The following OPCML variants were observed in gnomAD, a reference collection of about 807,000 sequenced individuals.
OPCML encodes opioid-binding protein/cell adhesion molecule.
Under a neutral mutation model 37.8 loss-of-function variants are expected in OPCML, and 13 were observed. The observed-to-expected ratio is 0.34, with a 90% confidence interval of 0.22 to 0.55. The LOEUF is 0.55. OPCML is among the 20% of genes least tolerant of loss of function. The pLI, the probability that OPCML is intolerant of heterozygous loss-of-function variation, is 0.91. For synonymous variants in OPCML, 176 were observed against 168.8 expected, an observed-to-expected ratio of 1.04 and a Z score of -0.33; for missense variants, 341 against 435.6, an observed-to-expected ratio of 0.78 and a Z score of 1.93.
intron 2 of OPCML, among the ~76,000 whole-genome samples, chr11:132,883,749 CT>C (rs1943307009): frequency 6.6e-6 from 1 of 152,068 alleles, no homozygotes; most frequent in South Asian, 2.1e-4. Flanking sequence ...CTCATCAATC[CT>C]TATAAAAACC....
At chr11:132,553,214 G>A (rs2096386469) in intron 3 of OPCML, among the ~76,000 whole-genome samples, 1 of 152,152 alleles carries the variant, frequency 6.6e-6, no homozygotes, top group Non-Finnish European at 1.5e-5. Flanking sequence ...ACCACTCAAG[G>A]GCACTTTTTA....
chr11:132,894,655 C>T (rs1201922086), intron 2 of OPCML, among the ~76,000 whole-genome samples: 1 of 152,220 alleles, frequency 6.6e-6, no homozygotes. Context: ...GATCCACCCT[C>T]AGTGTGCTTG....
chr11:133,448,461 TG>T (rs1282574492), intron 1 of OPCML, among the ~76,000 whole-genome samples: 1 of 152,092 alleles, frequency 6.6e-6, no homozygotes, highest in African/African-American at 2.4e-5. Flanking sequence ...TAGTGTTTTT[TG>T]TTTTTTTGTT....
At position 132,694,179 on chromosome 11, in the gene OPCML, C is replaced by CTTTTT. The variant is rs1162305568; in HGVS notation, c.147-36865_147-36861dup. ...GAGTTTCGTTCTGTGAAATCAATGT[C>CTTTTT]TTTTTTTTTTTTTTTTTTTTTTTTT... On this transcript the variant is annotated intron_variant, in intron 2 of 7. Transcript: ENST00000524381. Among the ~76,000 whole-genome samples, 12 of 43,016 alleles carry CTTTTT rather than the reference C, an allele frequency of 2.8e-4. 2 individuals carry two copies. The highest frequency in any genetic ancestry group is 4.0e-4 in the Admixed American group (1 of 2,516). 28.2% of individuals were successfully genotyped at this position (43,016 alleles called of 152,430 possible).
intron 1 of OPCML, among the ~76,000 whole-genome samples, chr11:133,349,794 T>C (rs952857905): frequency 2.5e-4 from 38 of 151,956 alleles, no homozygotes; most frequent in South Asian, 2.3e-3. Flanking sequence ...TGCTAAACCA[T>C]CAGAAAAAAA....
intron 1 of OPCML, among the ~76,000 whole-genome samples, chr11:133,126,082 C>T (rs1387887951): frequency 1.3e-5 from 2 of 151,092 alleles, no homozygotes; most frequent in Non-Finnish European, 2.9e-5. Flanking sequence ...CACACACACA[C>T]ACACACACAC....
At chr11:133,415,736 TC>T (rs1384788594) in intron 1 of OPCML, among the ~76,000 whole-genome samples, 1 of 152,132 alleles carries the variant, frequency 6.6e-6, no homozygotes, top group Non-Finnish European at 1.5e-5. Flanking sequence ...ATTTAGGTAG[TC>T]CCAATGTAAT....
At chr11:133,512,089 T>C (rs1389276607) in intron 1 of OPCML, among the ~76,000 whole-genome samples, 1 of 152,166 alleles carries the variant, frequency 6.6e-6, no homozygotes, top group African/African-American at 2.4e-5. Flanking sequence ...TCCAAGAGCA[T>C]CAGATCCTGC....
At chr11:133,281,001 T>C (rs2136508087) in intron 1 of OPCML, among the ~76,000 whole-genome samples, 1 of 152,296 alleles carries the variant, frequency 6.6e-6, no homozygotes, top group Non-Finnish European at 1.5e-5. Context: ...CCCAACCTGG[T>C]AGCTCAAGAG....
At chr11:133,465,533 A>G (rs1946956065) in intron 1 of OPCML, among the ~76,000 whole-genome samples, 1 of 152,190 alleles carries the variant, frequency 6.6e-6, no homozygotes, top group East Asian at 1.9e-4. Context: ...CTGTGCTAGA[A>G]TCTGGGGTTA....
rs117873535 is a variant in OPCML, at chr11:132,767,023, A to C, written c.147-109704T>G. ...ATTCACACAGATATGTACATTATCT[A>C]TGTTTATCTATCTATCTATCTACCC... On this transcript the variant is annotated intron_variant, in intron 2 of 7. Transcript: ENST00000524381. 3.7e-3 allele frequency among the ~76,000 whole-genome samples: 566 copies of C among 152,290 alleles called. 2 individuals carry two copies. Among genetic ancestry groups the C allele is most frequent in the Non-Finnish European group, 6.2e-3 (422 of 68,024 alleles).
At chr11:132,629,860 G>C (rs541702861) in intron 3 of OPCML, among the ~76,000 whole-genome samples, 13 of 152,196 alleles carry the variant, frequency 8.5e-5, no homozygotes, top group African/African-American at 3.1e-4. Flanking sequence ...GAAAATAAAA[G>C]GCACTAATAA....
At chr11:132,913,288 T>A (rs1944488359) in intron 2 of OPCML, among the ~76,000 whole-genome samples, 1 of 152,186 alleles carries the variant, frequency 6.6e-6, no homozygotes, top group African/African-American at 2.4e-5. Context: ...AAAACACTTC[T>A]AAGAGCGGAT....
intron 1 of OPCML, among the ~76,000 whole-genome samples, chr11:133,362,963 CTT>C (rs1422974173): frequency 6.6e-6 from 1 of 152,206 alleles, no homozygotes; most frequent in Non-Finnish European, 1.5e-5. Context: ...AGCGTGCTCT[CTT>C]GTTTTCACAT....
At chr11:133,532,103 G>C (rs1413746107) in intron 1 of OPCML, 161 bp downstream of exon 1, 17 of 702,972 alleles carry the variant, frequency 2.4e-5, no homozygotes, top group Non-Finnish European at 3.0e-5. Flanking sequence ...GTGAGTGTGT[G>C]TGTGCGTGCA....
intron 1 of OPCML, among the ~76,000 whole-genome samples, chr11:133,127,173 C>T (rs1214842319): frequency 6.6e-6 from 1 of 152,124 alleles, no homozygotes; most frequent in African/African-American, 2.4e-5. Flanking sequence ...TTTGCCATGT[C>T]CTGCAGTGGA....
rs144523390 is a variant in OPCML at position 133,478,252 on chromosome 11, C to T, written c.61+54012G>A. 3.2e-3 allele frequency among the ~76,000 whole-genome samples: 484 copies of T among 152,264 alleles called. 11 individuals carry two copies. Among genetic ancestry groups the T allele is most frequent in the Admixed American group, 0.03 (458 of 15,296 alleles). On this transcript the variant is annotated intron_variant, in intron 1 of 7. Transcript: ENST00000524381. ...TGTTGTGGCCTCCTGCCTGCCTCTC[C>T]CAGCATCACAATCTTACCAGACTAG...
intron 4 of OPCML, among the ~76,000 whole-genome samples, chr11:132,484,006 G>A (rs2096190495): frequency 6.6e-6 from 1 of 152,032 alleles, no homozygotes; most frequent in African/African-American, 2.4e-5. Context: ...CATAGGCATG[G>A]GCAAGGACTT....
chr11:132,968,082 G>A (rs1001532383), intron 1 of OPCML, among the ~76,000 whole-genome samples: 1 of 152,054 alleles, frequency 6.6e-6, no homozygotes, highest in African/African-American at 2.4e-5. Flanking sequence ...AATATATATC[G>A]ACACATTTAT....
Sources: gnomAD v4.1 joint callset for allele counts (sites outside exome capture counted in the v4.1 genomes callset) on GRCh38, gnomAD v4.1.1 for gene constraint, MANE v1.5 for transcripts, NCBI Gene and HGNC (gene_info 2026-07-23, HGNC 2026-07-21) for gene names.